MTG1: variants seen among roughly 807,000 people sequenced by gnomAD.
MTG1 encodes the protein mitochondrial ribosome-associated GTPase 1.
A neutral mutation model predicts 39.5 loss-of-function variants in MTG1; 30 were observed. The observed-to-expected ratio is 0.76, with a 90% CI of 0.57 to 1.03. The LOEUF (loss-of-function observed/expected upper bound fraction) is 1.03. MTG1 is among the 50% of genes least tolerant of loss of function. The probability of loss-of-function intolerance (pLI) is 0.00; values close to 1 mark genes in which losing one functional copy is unlikely to be tolerated. For synonymous variants in MTG1, 217 were observed against 179.0 expected (o/e 1.21, Z -1.69); for missense variants, 513 against 447.4 (o/e 1.15, Z -1.32).
intron 9 of MTG1, among the ~76,000 whole-genome samples, chr10:133,403,927 A>G (rs911464323): frequency 2.6e-5 from 4 of 152,090 alleles, no homozygotes; most frequent in African/African-American, 9.7e-5. Context: ...CTCTAAGATC[A>G]GTCTTTAACT....
In MTG1 at chr10:133,395,751, T is replaced by G. The variant is rs141260910; in HGVS notation, c.151T>G (p.Cys51Gly). The change falls in exon 2 of 11, where the codon TGT becomes GGT. Residue 51 changes from cysteine (C) to glycine (G), a missense_variant. Coordinates refer to ENST00000317502, the MANE Select transcript of MTG1 (RefSeq NM_138384.4). Reference sequence around the variant, plus strand: ...GCAGAGCAGCCTGAAGCTGGTGGACTGTATCATCGAGGTCCACGATGCCCG... The same window carrying G: ...GCAGAGCAGCCTGAAGCTGGTGGACGGTATCATCGAGGTCCACGATGCCCG... ...KMQSSLKLVD[C>G]IIEVHDARIP... 3.0e-3 allele frequency: 4,843 copies of G among 1,614,168 alleles called. 8 individuals carry two copies. The highest frequency in any genetic ancestry group is 3.8e-3 in the Non-Finnish European group (4,450 of 1,180,026).
At chr10:133,403,590 C>CGTCGTGTGTT (rs1849919875) in intron 9 of MTG1, among the ~76,000 whole-genome samples, 1 of 152,188 alleles carries the variant, frequency 6.6e-6, no homozygotes, top group African/African-American at 2.4e-5. Flanking sequence ...CCCCGTGTGT[C>CGTCGTGTGTT]GTCGTGTGTT....
intron 1 of MTG1, among the ~76,000 whole-genome samples, chr10:133,395,502 C>A (rs1411896939): frequency 1.3e-5 from 2 of 152,220 alleles, no homozygotes; most frequent in South Asian, 4.1e-4. Context: ...CACCCTGTGG[C>A]AGGGTGCCTC....
chr10:133,399,900 T>C (rs1218728324), intron 6 of MTG1: 5 of 376,676 alleles, frequency 1.3e-5, no homozygotes, highest in Non-Finnish European at 1.4e-5. Flanking sequence ...GTTCATTTAT[T>C]TAAATCCCTT....
rs1554893370 is a variant in MTG1, at chr10:133,421,904, G to GGT, written c.*1740_*1741insTG. 2.9e-5 allele frequency: 4 copies of GGT among 138,186 alleles called. No individual in the cohort carries two copies. The highest frequency in any genetic ancestry group is 1.2e-4 in the African/African-American group (4 of 32,786). The allele number at this position is 138,186 out of a possible 1,614,324, so 8.6% of individuals were successfully genotyped here. A position where few individuals can be genotyped will look rare whatever the true frequency, so the allele number is the denominator to read the frequency against. ...GAGGGTGAGATCCCAAGGCCACGGC[G>GGT]GGGGGCAGGGAGAACCCCTCCTACC... On this transcript the variant is annotated 3_prime_UTR_variant, in exon 11 of 11. Transcript: ENST00000317502.
At chr10:133,418,909 G>A (rs552047245) in intron 9 of MTG1, among the ~76,000 whole-genome samples, 10 of 152,298 alleles carry the variant, frequency 6.6e-5, no homozygotes, top group African/African-American at 1.9e-4. Flanking sequence ...CAGAGTGCCC[G>A]TTACAATCAC....
Position 133,402,880 on chromosome 10 carries a change from A to G in MTG1, c.752+107A>G, listed in dbSNP as rs988650626. On this transcript the variant is annotated intron_variant, in intron 9 of 10. Coordinates refer to ENST00000317502, the MANE Select transcript of MTG1 (RefSeq NM_138384.4). This position sits in a 1 kb window ranked among gnomAD's most constrained non-coding sequence, Gnocchi z 4.7. ...CCAGCATTATAAAGGTATTATAAAC[A>G]CGGTAACCTGCACATCGTTTAAAGC... 1 of 827,618 alleles carries G rather than the reference A, an allele frequency of 1.2e-6. No individual in the cohort carries two copies. Among genetic ancestry groups the G allele is most frequent in the African/African-American group, 1.7e-5 (1 of 57,940 alleles). The allele number at this position is 827,618 out of a possible 1,614,324, so 51.3% of individuals were successfully genotyped here.
At chr10:133,409,066 T>G (rs1850008517) in intron 9 of MTG1, among the ~76,000 whole-genome samples, 1 of 152,134 alleles carries the variant, frequency 6.6e-6, no homozygotes, top group Admixed American at 6.5e-5. Flanking sequence ...CTCTGTTATT[T>G]CTCTTCTTCT....
intron 9 of MTG1, among the ~76,000 whole-genome samples, chr10:133,408,917 AT>A (rs1286050444): frequency 3.3e-5 from 5 of 149,866 alleles, no homozygotes; most frequent in Admixed American, 6.6e-5. Context: ...TACTGATTTT[AT>A]TTATTTTGAT....
At chr10:133,416,247 G>A (rs376115229) in intron 9 of MTG1, among the ~76,000 whole-genome samples, 6 of 151,826 alleles carry the variant, frequency 4.0e-5, no homozygotes, top group Non-Finnish European at 8.8e-5. Flanking sequence ...AATATCTTTC[G>A]TGTTTCAGCT....
In MTG1 at chr10:133,395,743, T is replaced by C; in HGVS notation, c.143T>C (p.Leu48Pro). ...AAGAAGATGCAGAGCAGCCTGAAGC[T>C]GGTGGACTGTATCATCGAGGTCCAC... ...GLKKMQSSLK[L>P]VDCIIEVHDA... Residue 48 changes from leucine (L) to proline (P), a missense_variant, in exon 2 of 11, where the codon CTG becomes CCG. By Grantham distance (98) the Leu-to-Pro change is moderately conservative. Transcript: ENST00000317502. The C allele has an allele frequency of 6.2e-7, 1 of 1,614,170 alleles. No homozygotes were observed. The highest frequency in any genetic ancestry group is 8.5e-7 in the Non-Finnish European group (1 of 1,180,038).
At chr10:133,405,827 T>A (rs1248293100) in intron 9 of MTG1, among the ~76,000 whole-genome samples, 1 of 152,206 alleles carries the variant, frequency 6.6e-6, no homozygotes, top group East Asian at 1.9e-4. Context: ...GTATATTGAT[T>A]TCCATTCTTT....
At position 133,420,063 on chromosome 10, in the gene MTG1, A is replaced by G; in HGVS notation, c.903A>G (p.Ala301=). 6.2e-7 allele frequency: 1 copy of G among 1,613,314 alleles called. No individual in the cohort carries two copies. Among genetic ancestry groups the G allele is most frequent in the Non-Finnish European group, 8.5e-7 (1 of 1,179,602 alleles). Residue 301 remains alanine, a synonymous_variant, in exon 11 of 11, where the codon GCA becomes GCG. Coordinates refer to ENST00000317502, the MANE Select transcript of MTG1 (RefSeq NM_138384.4). Reference sequence around the variant, plus strand: ...TTATTCAGCCTAACTATCCTGCGGCAGCCCGTGACTTCCTGCAGACTTTCC... The same window carrying G: ...TTATTCAGCCTAACTATCCTGCGGCGGCCCGTGACTTCCTGCAGACTTTCC... ...VNIIQPNYPA[A]ARDFLQTFRR...
At chr10:133,418,335 G>C (rs1192335480) in intron 9 of MTG1, among the ~76,000 whole-genome samples, 2 of 152,158 alleles carry the variant, frequency 1.3e-5, no homozygotes, top group African/African-American at 4.8e-5. Flanking sequence ...GTTTCACCTT[G>C]TTAGGTGATG....
chr10:133,411,476 T>A (rs1406650501), intron 9 of MTG1, among the ~76,000 whole-genome samples: 3 of 152,240 alleles, frequency 2.0e-5, no homozygotes, highest in Non-Finnish European at 4.4e-5. Flanking sequence ...ACCTGGACAT[T>A]TATGTCTTTC....
chr10:133,411,803 A>C (rs1323887234), intron 9 of MTG1, among the ~76,000 whole-genome samples: 1 of 149,732 alleles, frequency 6.7e-6, no homozygotes, highest in East Asian at 2.0e-4. Context: ...TTTTTTTTTA[A>C]TTTCAATCTC....
At position 133,396,166 on chromosome 10, in the gene MTG1, C is replaced by T; in HGVS notation, c.181C>T (p.Pro61Ser). The change falls in exon 3 of 11, where the codon CCA becomes TCA. Residue 61 changes from proline (P) to serine (S), a missense_variant. Physicochemically the swap from Pro to Ser is moderately conservative, Grantham distance 74. Coordinates refer to ENST00000317502, the MANE Select transcript of MTG1 (RefSeq NM_138384.4). ...ATTTTTACCTTAATTTTGCCACATC[C>T]CACTTTCAGGCCGCAACCCTCTGTT... ...CIIEVHDARIPLSGRNPLFQE... is the reference protein window; with the variant it reads ...CIIEVHDARISLSGRNPLFQE... 1.2e-6 allele frequency: 2 copies of T among 1,613,778 alleles called. No individual in the cohort carries two copies. Among genetic ancestry groups the T allele is most frequent in the Non-Finnish European group, 1.7e-6 (2 of 1,179,734 alleles).
rs34621367 is a variant in MTG1 at position 133,404,078 on chromosome 10, CTTT to C, written c.752+1316_752+1318del. On this transcript the variant is annotated intron_variant, in intron 9 of 10. Transcript: ENST00000317502. ...GAAATGTCTGTTCAAATCCTTTTCC[CTTT>C]TTTTTTTTTTAACTGAGTTGTTTCT... Among the ~76,000 whole-genome samples, 196 of 138,730 alleles carry C rather than the reference CTTT, an allele frequency of 1.4e-3. 1 individual carries two copies. In the East Asian group the frequency reaches 0.017, roughly 12 times the overall value. 91.0% of individuals were successfully genotyped at this position (138,730 alleles called of 152,430 possible).
At chr10:133,398,222 C>T (rs1037000325) in intron 3 of MTG1, among the ~76,000 whole-genome samples, 1 of 152,184 alleles carries the variant, frequency 6.6e-6, no homozygotes, top group Non-Finnish European at 1.5e-5. Flanking sequence ...ACTAGTTTCA[C>T]TGCATGTTAA....
Sources: gnomAD v4.1 joint callset for allele counts (sites outside exome capture counted in the v4.1 genomes callset) on GRCh38, gnomAD v4.1.1 for gene constraint, Gnocchi (gnomAD v3.1) non-coding constraint, MANE v1.5 for transcripts, NCBI Gene and HGNC (gene_info 2026-07-23, HGNC 2026-07-21) for gene names.